SSBP2: variants seen among roughly 807,000 people sequenced by gnomAD.
The protein encoded by SSBP2 is single-stranded DNA-binding protein 2.
In SSBP2, 17 loss-of-function variants were observed where a neutral mutation model predicts 61.8. The observed-to-expected ratio is 0.28, with a 90% confidence interval of 0.19 to 0.41. SSBP2 has a LOEUF of 0.41. Among genes scored for constraint, SSBP2 ranks in the 10% least tolerant of loss-of-function variants. The probability of loss-of-function intolerance (pLI) is 1.00; values close to 1 mark genes in which losing one functional copy is unlikely to be tolerated. For missense variants in SSBP2, 310 were observed against 458.7 expected (o/e 0.68, Z 2.96); for synonymous variants, 139 against 141.3 (o/e 0.98, Z 0.12).
rs1764947291 is a variant in SSBP2 at position 81,467,148 on chromosome 5, A to G, written c.571-107T>C. The G allele has an allele frequency of 1.3e-5, 11 of 831,368 alleles. No individual in the cohort carries two copies. In the South Asian group the frequency reaches 1.6e-4, roughly 12 times the overall value. 51.5% of individuals were successfully genotyped at this position (831,368 alleles called of 1,614,324 possible). ...TTAATGATTTCCCTACATAACTCCA[A>G]TTGGATAAGGCCTGTGTAATTCATT... On this transcript the variant is annotated intron_variant, in intron 8 of 16. Transcript: ENST00000320672.
intron 4 of SSBP2, among the ~76,000 whole-genome samples, chr5:81,594,820 A>T (rs1186394848): frequency 1.3e-5 from 2 of 152,140 alleles, no homozygotes; most frequent in African/African-American, 4.8e-5. Flanking sequence ...ACATACCAGA[A>T]TCTCTGGGAC....
intron 1 of SSBP2, among the ~76,000 whole-genome samples, chr5:81,698,952 C>CAT (rs1389737966): frequency 6.6e-6 from 1 of 152,212 alleles, no homozygotes; most frequent in African/African-American, 2.4e-5. Flanking sequence ...GCATACTTCA[C>CAT]ATATACTGTG....
chr5:81,512,731 C>A (rs945291659), intron 5 of SSBP2, among the ~76,000 whole-genome samples: 1 of 151,892 alleles, frequency 6.6e-6, no homozygotes, highest in East Asian at 1.9e-4. Flanking sequence ...GATGACCCTG[C>A]AATGATGGTG....
chr5:81,537,786 G>A (rs1020238072), intron 4 of SSBP2, among the ~76,000 whole-genome samples: 1 of 152,010 alleles, frequency 6.6e-6, no homozygotes, highest in African/African-American at 2.4e-5. Context: ...TTTACCTACT[G>A]GCTGTTCCCC....
intron 1 of SSBP2, among the ~76,000 whole-genome samples, chr5:81,742,535 C>T (rs945093912): frequency 6.6e-6 from 1 of 152,146 alleles, no homozygotes; most frequent in Admixed American, 6.5e-5. Context: ...CACCATGGTC[C>T]TTGCTCTTAT....
At position 81,592,242 on chromosome 5, in the gene SSBP2, A is replaced by C. The variant is rs1048867329; in HGVS notation, c.282+23231T>G. Among the ~76,000 whole-genome samples the C allele has an allele frequency of 2.6e-5, 4 of 152,248 alleles. No individual in the cohort carries two copies. In the South Asian group the frequency reaches 8.3e-4, roughly 32 times the overall value. ...CCACAGAGTCTCGCTCATTGCTAGCACAGCAGTCCAAGATCAAACTGCAAG... is the reference window on the plus strand; with the variant it reads ...CCACAGAGTCTCGCTCATTGCTAGCCCAGCAGTCCAAGATCAAACTGCAAG... On this transcript the variant is annotated intron_variant, in intron 4 of 16. Coordinates refer to ENST00000320672, the MANE Select transcript of SSBP2 (RefSeq NM_012446.5).
At chr5:81,479,541 C>T (rs1765828959) in intron 6 of SSBP2, among the ~76,000 whole-genome samples, 1 of 152,010 alleles carries the variant, frequency 6.6e-6, no homozygotes, top group African/African-American at 2.4e-5. Flanking sequence ...ATCCACCCAC[C>T]TCAGCTCCCC....
At chr5:81,734,710 G>A (rs1365899803) in intron 1 of SSBP2, among the ~76,000 whole-genome samples, 2 of 152,022 alleles carry the variant, frequency 1.3e-5, no homozygotes, top group Non-Finnish European at 2.9e-5. Context: ...GGTGGCTCAC[G>A]CCTGTAATGC....
At chr5:81,622,183 G>T (rs1022849585) in intron 3 of SSBP2, among the ~76,000 whole-genome samples, 1 of 151,256 alleles carries the variant, frequency 6.6e-6, no homozygotes, top group African/African-American at 2.4e-5. Flanking sequence ...CAAGAACAGT[G>T]GGAAGTGAAG....
At chr5:81,538,190 G>A (rs1249462016) in intron 4 of SSBP2, among the ~76,000 whole-genome samples, 1 of 152,154 alleles carries the variant, frequency 6.6e-6, no homozygotes, top group Non-Finnish European at 1.5e-5. Flanking sequence ...AAACACAGAT[G>A]ATAAGAAAGC....
At chr5:81,648,812 C>G (rs935342589) in intron 2 of SSBP2, among the ~76,000 whole-genome samples, 13 of 151,958 alleles carry the variant, frequency 8.6e-5, no homozygotes, top group African/African-American at 3.1e-4. Flanking sequence ...GCCACAAAAA[C>G]TTTTAATAGC....
chr5:81,677,457 G>C (rs73137634), intron 1 of SSBP2, among the ~76,000 whole-genome samples: 8,302 of 152,040 alleles, frequency 0.055, 463 homozygotes, highest in African/African-American at 0.14. Context: ...TCAGCGCCAG[G>C]GAAGGAAAAT....
intron 1 of SSBP2, among the ~76,000 whole-genome samples, chr5:81,651,776 T>G (rs2153713704): frequency 6.6e-6 from 1 of 152,288 alleles, no homozygotes; most frequent in African/African-American, 2.4e-5. Context: ...ATCCTGCTGG[T>G]GATTCTTATC....
chr5:81,486,036 TG>T (rs1766354819), intron 6 of SSBP2, among the ~76,000 whole-genome samples: 1 of 152,186 alleles, frequency 6.6e-6, no homozygotes, highest in Admixed American at 6.5e-5. Context: ...GGATGATAGC[TG>T]TTTGAATTAA....
chr5:81,519,386 C>G (rs1034796893), intron 4 of SSBP2, among the ~76,000 whole-genome samples: 6 of 152,200 alleles, frequency 3.9e-5, no homozygotes, highest in Non-Finnish European at 7.4e-5. Context: ...TTATAAAGGT[C>G]CACTGTAGCA....
chr5:81,524,477 T>A (rs139497697), intron 4 of SSBP2, among the ~76,000 whole-genome samples: 82 of 152,158 alleles, frequency 5.4e-4, no homozygotes, highest in African/African-American at 1.9e-3. Flanking sequence ...TAATTTGCTA[T>A]GGCAGCAACT....
intron 4 of SSBP2, among the ~76,000 whole-genome samples, chr5:81,524,977 C>A (rs573654111): frequency 6.6e-6 from 1 of 152,006 alleles, no homozygotes; most frequent in Admixed American, 6.6e-5. Flanking sequence ...ATAAATACAA[C>A]TGAAACCATA....
intron 1 of SSBP2, among the ~76,000 whole-genome samples, chr5:81,675,632 A>C (rs1751911653): frequency 6.6e-6 from 1 of 152,196 alleles, no homozygotes; most frequent in African/African-American, 2.4e-5. Flanking sequence ...TATGCAACCT[A>C]ATGAAATCCT....
rs917642626 is a variant in SSBP2 at position 81,488,335 on chromosome 5, G to A, written c.432+915C>T. ...ATGGCTGTACCAAGTTACTTTCCCT[G>A]CAACAGTGTACAAAAGTTCCCTTTT... On this transcript the variant is annotated intron_variant, in intron 6 of 16. Transcript: ENST00000320672. Among the ~76,000 whole-genome samples the A allele has an allele frequency of 4.6e-5, 7 of 151,686 alleles. No homozygotes were observed. The East Asian group carries it at 1.4e-3, about 30-fold the overall frequency.
Sources: gnomAD v4.1 joint callset for allele counts (sites outside exome capture counted in the v4.1 genomes callset) on GRCh38, gnomAD v4.1.1 for gene constraint, MANE v1.5 for transcripts, NCBI Gene and HGNC (gene_info 2026-07-23, HGNC 2026-07-21) for gene names.